The following RAD51B variants were observed in gnomAD, a reference collection of about 807,000 sequenced individuals.
RAD51B encodes DNA repair protein RAD51 homolog 2.
Under a neutral mutation model 42.2 loss-of-function variants are expected in RAD51B, and 38 were observed. The observed-to-expected ratio is 0.90, with a 90% CI of 0.70 to 1.18. The LOEUF is 1.18. Among genes scored for constraint, RAD51B ranks in the 50% most tolerant of loss-of-function variants. RAD51B has a pLI of 0.00. For missense variants in RAD51B, 373 were observed against 400.7 expected, an observed-to-expected ratio of 0.93 and a Z score of 0.59; for synonymous variants, 154 against 145.2, an observed-to-expected ratio of 1.06 and a Z score of -0.43.
At chr14:68,308,966 C>A (rs147982171) in intron 8 of RAD51B, among the ~76,000 whole-genome samples, 2 of 152,246 alleles carry the variant, frequency 1.3e-5, no homozygotes, top group East Asian at 3.9e-4. Context: ...AAGGCTCTTA[C>A]AAAACAGAGG....
At chr14:68,557,985 C>CA (rs1484839048) in intron 10 of RAD51B, among the ~76,000 whole-genome samples, 5 of 151,866 alleles carry the variant, frequency 3.3e-5, no homozygotes, top group Non-Finnish European at 5.9e-5. Context: ...ACCACTAAAG[C>CA]AAAAAAAGAA....
rs933864697 is a variant in RAD51B at position 68,668,360 on chromosome 14, A to C, written c.*11+17504A>C. On this transcript the variant is annotated intron_variant, in intron 11 of 11. Transcript: ENST00000488612. ...TAGGCTTCAGGGCCTGTGGCTGATG[A>C]CTCCAGGTCAAAGCCCCAGATGATA... Among the ~76,000 whole-genome samples the C allele has an allele frequency of 3.3e-5, 5 of 151,776 alleles. No homozygotes were observed. In the South Asian group the frequency reaches 1.0e-3, roughly 32 times the overall value.
chr14:68,463,332 A>G (rs541182001), intron 9 of RAD51B, among the ~76,000 whole-genome samples: 2 of 152,312 alleles, frequency 1.3e-5, no homozygotes, highest in Admixed American at 6.5e-5. Flanking sequence ...GCTAATTTAC[A>G]CTTCCCCTCA....
chr14:68,132,541 A>G (rs2077915952), intron 7 of RAD51B, among the ~76,000 whole-genome samples: 1 of 152,224 alleles, frequency 6.6e-6, no homozygotes, highest in African/African-American at 2.4e-5. Flanking sequence ...TGTGGTGGAA[A>G]CGTGACTTGA....
At chr14:68,525,378 A>G (rs1886859199) in intron 10 of RAD51B, among the ~76,000 whole-genome samples, 1 of 152,248 alleles carries the variant, frequency 6.6e-6, no homozygotes, top group African/African-American at 2.4e-5. Flanking sequence ...AAGCCATTCC[A>G]TTAGTGGTAA....
chr14:67,990,076 C>T (rs1277416157), intron 7 of RAD51B, among the ~76,000 whole-genome samples: 1 of 147,812 alleles, frequency 6.8e-6, no homozygotes, highest in African/African-American at 2.5e-5. Context: ...CGGCTCACTG[C>T]AACCTCTACC....
At chr14:68,421,586 C>T in intron 9 of RAD51B, 1 of 804,164 alleles carries the variant, frequency 1.2e-6, no homozygotes, top group Non-Finnish European at 2.0e-6. Context: ...CCAAAGGGAA[C>T]TGCAGCGAGA....
At chr14:68,236,072 C>T (rs2080250582) in intron 7 of RAD51B, among the ~76,000 whole-genome samples, 1 of 152,064 alleles carries the variant, frequency 6.6e-6, no homozygotes, top group Non-Finnish European at 1.5e-5. Flanking sequence ...TGGAGGGAGG[C>T]AGGAGGGTGA....
intron 7 of RAD51B, among the ~76,000 whole-genome samples, chr14:68,270,992 G>A (rs2139584479): frequency 6.6e-6 from 1 of 152,286 alleles, no homozygotes; most frequent in East Asian, 1.9e-4. Context: ...TATGTGTACT[G>A]TCCTCTGCTT....
chr14:68,480,334 C>T (rs1883076522), downstream of RAD51B, among the ~76,000 whole-genome samples: 3 of 152,334 alleles, frequency 2.0e-5, no homozygotes, highest in Middle Eastern at 6.8e-3. Flanking sequence ...TCGTCGGCCT[C>T]CCAAAGTGCT....
chr14:68,094,323 T>G (rs975433857), intron 7 of RAD51B, among the ~76,000 whole-genome samples: 6 of 152,220 alleles, frequency 3.9e-5, no homozygotes, highest in African/African-American at 1.4e-4. Context: ...TGTGGTCACC[T>G]TTGGTTATAT....
At chr14:68,599,512 C>T (rs1234445645), downstream of RAD51B, among the ~76,000 whole-genome samples, 1 of 152,186 alleles carries the variant, frequency 6.6e-6, no homozygotes, top group Non-Finnish European at 1.5e-5. Flanking sequence ...GACCTAAGAA[C>T]TTAATCCTAC....
At chr14:68,533,601 A>AT (rs1887442799) in intron 10 of RAD51B, among the ~76,000 whole-genome samples, 1 of 152,156 alleles carries the variant, frequency 6.6e-6, no homozygotes, top group South Asian at 2.1e-4. Context: ...TTTCTGTCTG[A>AT]TTATTTCTGT....
intron 7 of RAD51B, among the ~76,000 whole-genome samples, chr14:67,909,126 AG>A (rs1453315570): frequency 2.6e-5 from 4 of 152,172 alleles, no homozygotes; most frequent in African/African-American, 4.8e-5. Flanking sequence ...CCTAAACAAA[AG>A]CTCTTTGGAA....
intron 7 of RAD51B, among the ~76,000 whole-genome samples, chr14:68,253,806 T>C (rs2080692953): frequency 2.0e-5 from 3 of 152,214 alleles, no homozygotes; most frequent in African/African-American, 2.4e-5. Context: ...AGAAGTGACA[T>C]AAATGAGATT....
chr14:68,053,125 G>A (rs1399846087), intron 7 of RAD51B, among the ~76,000 whole-genome samples: 1 of 152,044 alleles, frequency 6.6e-6, no homozygotes, highest in Non-Finnish European at 1.5e-5. Flanking sequence ...ATGTTTAATC[G>A]AGCTGTGGGC....
intron 10 of RAD51B, among the ~76,000 whole-genome samples, chr14:68,635,381 T>A (rs1407611052): frequency 1.3e-5 from 2 of 152,224 alleles, no homozygotes; most frequent in African/African-American, 4.8e-5. Flanking sequence ...CTTTAAACTA[T>A]GTTTAAAAAC....
intron 7 of RAD51B, among the ~76,000 whole-genome samples, chr14:68,227,591 A>C (rs2080064447): frequency 5.9e-5 from 9 of 152,226 alleles, no homozygotes; most frequent in Admixed American, 5.9e-4. Flanking sequence ...CAATGTAGCG[A>C]TAATACTGTC....
chr14:68,133,258 A>ATT, intron 7 of RAD51B, among the ~76,000 whole-genome samples: 2 of 152,124 alleles, frequency 1.3e-5, no homozygotes, highest in Admixed American at 1.3e-4. Flanking sequence ...TATACTAGGA[A>ATT]TTTTCTTTTT....
Sources: gnomAD v4.1 joint callset for allele counts (sites outside exome capture counted in the v4.1 genomes callset) on GRCh38, gnomAD v4.1.1 for gene constraint, MANE v1.5 for transcripts, NCBI Gene and HGNC (gene_info 2026-07-23, HGNC 2026-07-21) for gene names.